ECE1: variants seen among roughly 807,000 people sequenced by gnomAD.
The protein encoded by ECE1 is endothelin-converting enzyme 1.
A neutral mutation model predicts 98.6 loss-of-function variants in ECE1; 35 were observed. That is an observed-to-expected ratio of 0.35 (90% CI 0.27 to 0.47). The LOEUF (loss-of-function observed/expected upper bound fraction) is 0.47. ECE1 is among the 20% of genes least tolerant of loss of function. The pLI, the probability that ECE1 is intolerant of heterozygous loss-of-function variation, is 1.00. For missense variants in ECE1, 814 were observed against 1,025.3 expected, an observed-to-expected ratio of 0.79 and a Z score of 2.81; for synonymous variants, 394 against 407.1, an observed-to-expected ratio of 0.97 and a Z score of 0.39.
At position 21,220,809 on chromosome 1, in the gene ECE1, C is replaced by G. The variant is rs2098166451; in HGVS notation, c.2137-678G>C. On this transcript the variant is annotated intron_variant, in intron 18 of 18. Transcript: ENST00000374893. The surrounding 1 kb of genome is among the most constrained non-coding windows in gnomAD (Gnocchi z 5.0). ...AGACTCCGGCTCCAAAAAAACAAAA[C>G]CCAGAAAATACAACACCAGGGAGAT... is the stretch of plus-strand genomic sequence containing the variant. Among the ~76,000 whole-genome samples the G allele has an allele frequency of 1.3e-5, 2 of 151,918 alleles. No individual in the cohort carries two copies. Among genetic ancestry groups the G allele is most frequent in the Non-Finnish European group, 1.5e-5 (1 of 67,954 alleles).
upstream of ECE1, among the ~76,000 whole-genome samples, chr1:21,291,759 C>T (rs1015194029): frequency 3.3e-5 from 5 of 151,882 alleles, no homozygotes; most frequent in Non-Finnish European, 4.4e-5. Flanking sequence ...CCCAGGAGGT[C>T]GAGGTTGCAG....
intron 1 of ECE1, among the ~76,000 whole-genome samples, chr1:21,310,042 G>A (rs892574949): frequency 8.6e-5 from 13 of 152,034 alleles, no homozygotes; most frequent in East Asian, 3.9e-4. Flanking sequence ...TGATCCACCC[G>A]CCTCGGCCTC....
At chr1:21,282,602 AAAG>A (rs1431004853) in intron 2 of ECE1, among the ~76,000 whole-genome samples, 172 of 149,942 alleles carry the variant, frequency 1.1e-3, no homozygotes, top group African/African-American at 3.8e-3. Context: ...AAAAAAAAAA[AAAG>A]AAAGAAAAGA....
chr1:21,258,618 C>A lies in ECE1; in HGVS notation c.762+75G>T. Reference sequence around the variant, plus strand: ...ACCCAGGGCAAGCCCCTCTCCCACCCCAGGTCCTGCTAAACTCAAAACAGG... The same window carrying A: ...ACCCAGGGCAAGCCCCTCTCCCACCACAGGTCCTGCTAAACTCAAAACAGG... On this transcript the variant is annotated intron_variant, in intron 6 of 18. Transcript: ENST00000374893. This position sits in a 1 kb window ranked among gnomAD's most constrained non-coding sequence, Gnocchi z 4.2. The A allele has an allele frequency of 6.4e-7, 1 of 1,574,366 alleles. No homozygotes were observed. The highest frequency in any genetic ancestry group is 8.7e-7 in the Non-Finnish European group (1 of 1,152,414).
chr1:21,247,321 T>C lies in ECE1; in HGVS notation c.1063A>G (p.Ile355Val), dbSNP rs376773112. Residue 355 changes from isoleucine to valine, a missense_variant, in exon 9 of 19, where the codon ATC becomes GTC. Transcript: ENST00000374893. ...TCATTGATCTCCACGGGGTAGAAGA[T>C]GGTGTTGAGAAAAGGCAACCAGTTG... Reference protein sequence around the residue: ...AINWLPFLNTIFYPVEINESE... With the variant: ...AINWLPFLNTVFYPVEINESE... 5.6e-6 allele frequency: 9 copies of C among 1,614,016 alleles called. No individual in the cohort carries two copies. The African/African-American group carries it at 1.1e-4, about 19-fold the overall frequency.
intron 8 of ECE1, 125 bp from the exon 9 acceptor site, chr1:21,247,488 G>A (rs887191282): frequency 2.7e-5 from 38 of 1,409,804 alleles, no homozygotes; most frequent in Middle Eastern, 2.4e-4. Context: ...ACAGCGCACC[G>A]GGCAGAGAGT....
chr1:21,291,789 T>C (rs1307633494), upstream of ECE1, among the ~76,000 whole-genome samples: 1 of 151,982 alleles, frequency 6.6e-6, no homozygotes, highest in African/African-American at 2.4e-5. Context: ...ATTGTGCCAC[T>C]GTACTCTAGC....
At position 21,225,459 on chromosome 1, in the gene ECE1, C is replaced by T. The variant is rs781455591; in HGVS notation, c.1850-19G>A. On this transcript the variant is annotated intron_variant, in intron 16 of 18. Transcript: ENST00000374893. This position sits in a 1 kb window ranked among gnomAD's most constrained non-coding sequence, Gnocchi z 5.3. ...TCCCGTCCTGTGGGTCAGAGGGAGGCGTCATGTCAAGGGAGGGAGGGGCAC... is the reference window on the plus strand; with the variant it reads ...TCCCGTCCTGTGGGTCAGAGGGAGGTGTCATGTCAAGGGAGGGAGGGGCAC... 3.2e-5 allele frequency: 52 copies of T among 1,612,726 alleles called. No individual in the cohort carries two copies. The highest frequency in any genetic ancestry group is 5.0e-5 in the Admixed American group (3 of 59,876).
rs567463442 is a variant in ECE1 at position 21,231,161 on chromosome 1, C to A, written c.1670+2397G>T. Among the ~76,000 whole-genome samples the A allele has an allele frequency of 2.0e-5, 3 of 152,002 alleles. No individual in the cohort carries two copies. The East Asian group carries it at 5.8e-4, about 29-fold the overall frequency. ...TTTGAGTGTAGAAGGATCCCAAGAC[C>A]AAAAAAGGTTTTGAAAGTAATGGTA... On this transcript the variant is annotated intron_variant, in intron 14 of 18. Coordinates refer to ENST00000374893, the MANE Select transcript of ECE1 (RefSeq NM_001397.3).
rs192757467 is a variant in ECE1, at chr1:21,245,001, G to A, written c.1266C>T (p.Tyr422=). ...GTAGCAGGCTCACCTTCTTGGTCCCGTACATGACTTCCATGAACTTCTCAT... is the reference window on the plus strand; with the variant it reads ...GTAGCAGGCTCACCTTCTTGGTCCCATACATGACTTCCATGAACTTCTCAT... The part of the protein sequence containing the change: ...DADEKFMEVM[Y]GTKKTCLPRW... The change falls in exon 10 of 19, where the codon TAC becomes TAT. Residue 422 remains tyrosine, a synonymous_variant. Coordinates refer to ENST00000374893, the MANE Select transcript of ECE1 (RefSeq NM_001397.3). 10 of 1,614,066 alleles carry A rather than the reference G, an allele frequency of 6.2e-6. No homozygotes were observed. Among genetic ancestry groups the A allele is most frequent in the Middle Eastern group, 1.6e-4 (1 of 6,062 alleles).
chr1:21,297,537 T>C lies in ECE1; in HGVS notation c.4-7381A>G, dbSNP rs1201793549. ...ACTTTCTTTTTTCTTTTTCTTTTTT[T>C]TTTTTTTTTTTTGAGACAGAATCTC... On this transcript the variant is annotated intron_variant, in intron 1 of 18. Transcript: ENST00000415912. Among the ~76,000 whole-genome samples the C allele has an allele frequency of 1.4e-4, 20 of 146,618 alleles. No individual in the cohort carries two copies. The South Asian group carries it at 3.6e-3, about 26-fold the overall frequency.
chr1:21,304,272 C>T (rs1194102673), intron 1 of ECE1, among the ~76,000 whole-genome samples: 2 of 144,558 alleles, frequency 1.4e-5, no homozygotes, highest in Non-Finnish European at 3.0e-5. Context: ...GCCGAGATCG[C>T]GCCACGGCAC....
chr1:21,272,490 C>T (rs2098241410), intron 4 of ECE1, among the ~76,000 whole-genome samples: 1 of 152,214 alleles, frequency 6.6e-6, no homozygotes, highest in South Asian at 2.1e-4. Flanking sequence ...CAGGGTTTTG[C>T]CATGTTGGCC....
At chr1:21,333,560 A>G (rs1456767273) in intron 1 of ECE1, among the ~76,000 whole-genome samples, 1 of 152,198 alleles carries the variant, frequency 6.6e-6, no homozygotes, top group Non-Finnish European at 1.5e-5. Flanking sequence ...GGCTGGGCGC[A>G]GTGGCTCACG....
In ECE1 at chr1:21,236,733, T is replaced by A. The variant is rs751522106; in HGVS notation, c.1488+13A>T. 3.7e-6 allele frequency: 6 copies of A among 1,613,522 alleles called. No homozygotes were observed. The highest frequency in any genetic ancestry group is 3.4e-6 in the Non-Finnish European group (4 of 1,179,838). ...CGCCGCAGCACCCCCTCCAAGTGCC[T>A]GGCCAGCCTCACCTTTTCCTTGGCT... On this transcript the variant is annotated intron_variant, in intron 12 of 18. Coordinates refer to ENST00000374893, the MANE Select transcript of ECE1 (RefSeq NM_001397.3).
chr1:21,277,355 A>G (rs1386326247), intron 3 of ECE1, among the ~76,000 whole-genome samples: 4 of 152,326 alleles, frequency 2.6e-5, no homozygotes, highest in African/African-American at 7.2e-5. Flanking sequence ...TGGTGAAGAC[A>G]TATCTTTGGA....
chr1:21,250,063 G>A (rs1247608623), intron 8 of ECE1, among the ~76,000 whole-genome samples: 4 of 151,722 alleles, frequency 2.6e-5, no homozygotes, highest in Non-Finnish European at 5.9e-5. Flanking sequence ...ACAGGCATAA[G>A]CCACCGCGTC....
intron 10 of ECE1, among the ~76,000 whole-genome samples, chr1:21,241,458 C>T (rs1573953482): frequency 6.7e-6 from 1 of 148,370 alleles, no homozygotes; most frequent in East Asian, 2.0e-4. Flanking sequence ...AGTCTTGCTC[C>T]GTCTATCAGG....
chr1:21,279,791 A>C, intron 2 of ECE1: 215 of 999,456 alleles, frequency 2.2e-4, no homozygotes, highest in Non-Finnish European at 2.4e-4. Context: ...TCCTTAGCTC[A>C]TTAAACCCTC....
Sources: gnomAD v4.1 joint callset for allele counts (sites outside exome capture counted in the v4.1 genomes callset) on GRCh38, gnomAD v4.1.1 for gene constraint, Gnocchi (gnomAD v3.1) non-coding constraint, MANE v1.5 for transcripts, NCBI Gene and HGNC (gene_info 2026-07-23, HGNC 2026-07-21) for gene names.